The following FZD8 variants were observed in gnomAD, a reference collection of about 807,000 sequenced individuals.
FZD8 encodes frizzled class receptor 8.
A neutral mutation model predicts 46.0 loss-of-function variants in FZD8; 18 were observed. That is an observed-to-expected ratio of 0.39 (90% CI 0.27 to 0.58). The LOEUF (loss-of-function observed/expected upper bound fraction) is 0.58, where lower values mean the gene tolerates loss of function less well. Among genes scored for constraint, FZD8 ranks in the 20% least tolerant of loss-of-function variants. The pLI is 0.55. For missense variants in FZD8, 785 were observed against 983.4 expected, an observed-to-expected ratio of 0.80 and a Z score of 2.70; for synonymous variants, 586 against 467.9, an observed-to-expected ratio of 1.25 and a Z score of -3.26.
At position 35,638,339 on chromosome 10, in the gene FZD8, C is replaced by T. The variant is rs769201698; in HGVS notation, c.*1006G>A. 6.6e-6 allele frequency: 1 copy of T among 152,470 alleles called. No individual in the cohort carries two copies. The highest frequency in any genetic ancestry group is 2.4e-5 in the African/African-American group (1 of 41,444). The allele number at this position is 152,470 out of a possible 1,614,324, so 9.4% of individuals were successfully genotyped here. A position where few individuals can be genotyped will look rare whatever the true frequency, so the allele number is the denominator to read the frequency against. On this transcript the variant is annotated 3_prime_UTR_variant, in exon 1 of 1. Coordinates refer to ENST00000374694, the MANE Select transcript of FZD8 (RefSeq NM_031866.3). The stretch of plus-strand genomic sequence containing the variant: ...CTTGCAGAAGTTCCATTTACATCCA[C>T]TAAAGTGAGAGTTGTTATCCATGGA...
In FZD8 at chr10:35,641,388, G is replaced by A. The variant is rs1360968010; in HGVS notation, c.42C>T (p.Ala14=). ...GYLLEVTSLL[A]ALALLQRSSG... ...TAGAGCGCTGCAGCAGCGCCAAGGCGGCCAGCAGCGAGGTCACTTCCAACA... is the reference window on the plus strand; with the variant it reads ...TAGAGCGCTGCAGCAGCGCCAAGGCAGCCAGCAGCGAGGTCACTTCCAACA... Residue 14 remains alanine (A), a synonymous_variant, in exon 1 of 1, where the codon GCC becomes GCT. Transcript: ENST00000374694. The surrounding 1 kb of genome is among the most constrained non-coding windows in gnomAD (Gnocchi z 6.3). 6.8e-6 allele frequency: 11 copies of A among 1,612,278 alleles called. No homozygotes were observed. The highest frequency in any genetic ancestry group is 8.5e-6 in the Non-Finnish European group (10 of 1,179,578).
At position 35,641,538 on chromosome 10, in the gene FZD8, C is replaced by A; in HGVS notation, c.-109G>T. The A allele has an allele frequency of 7.1e-7, 1 of 1,402,248 alleles. No individual in the cohort carries two copies. Among genetic ancestry groups the A allele is most frequent in the Non-Finnish European group, 9.4e-7 (1 of 1,067,492 alleles). The allele number at this position is 1,402,248 out of a possible 1,614,324, so 86.9% of individuals were successfully genotyped here. A position where few individuals can be genotyped will look rare whatever the true frequency, so the allele number is the denominator to read the frequency against. ...ACGGGTACAGCGGGTGATCTGGGGT[C>A]TCCCTTATGCTTCGCCCGGGAGGGG... is the stretch of plus-strand genomic sequence containing the variant. On this transcript the variant is annotated 5_prime_UTR_variant, in exon 1 of 1. Transcript: ENST00000374694. The surrounding 1 kb of genome is among the most constrained non-coding windows in gnomAD (Gnocchi z 6.3).
chr10:35,640,174 A>G lies in FZD8; in HGVS notation c.1256T>C (p.Leu419Pro). The change falls in exon 1 of 1, where the codon CTC (leucine) becomes CCC (proline). Residue 419 changes from leucine to proline, a missense_variant. Around this residue, in one of 5 missense-constraint regions of FZD8, gnomAD observed 147 missense variants for 242.5 expected, o/e 0.61. Transcript: ENST00000374694. ...CATACCGGCCGCCAGGAACCATGTG[A>G]GCGACAAGATCACCCACCAGATGGA... is the stretch of plus-strand genomic sequence containing the variant. ...ASSIWWVILS[L>P]TWFLAAGMKW... The G allele has an allele frequency of 6.2e-7, 1 of 1,613,314 alleles. No individual in the cohort carries two copies. The highest frequency in any genetic ancestry group is 8.5e-7 in the Non-Finnish European group (1 of 1,179,870).
Position 35,640,836 on chromosome 10 carries a change from G to T in FZD8, c.594C>A (p.Gly198=), listed in dbSNP as rs1225958723. 1 of 976,330 alleles carries T rather than the reference G, an allele frequency of 1.0e-6. No homozygotes were observed. Among genetic ancestry groups the T allele is most frequent in the Non-Finnish European group, 1.2e-6 (1 of 826,562 alleles). The allele number at this position is 976,330 out of a possible 1,614,324, so 60.5% of individuals were successfully genotyped here. A position where few individuals can be genotyped will look rare whatever the true frequency, so the allele number is the denominator to read the frequency against. ...ARPPHRGGGR[G]GGGGDAAAPP... ...GCGCCGCCGCGTCCCCGCCGCCACCGCCCCTGCCGCCGCCGCGGTGCGGGG... is the reference window on the plus strand; with the variant it reads ...GCGCCGCCGCGTCCCCGCCGCCACCTCCCCTGCCGCCGCCGCGGTGCGGGG... The change falls in exon 1 of 1, where the codon GGC becomes GGA. Residue 198 remains glycine, a synonymous_variant. Transcript: ENST00000374694.
Position 35,640,818 on chromosome 10 carries a change from C to T in FZD8, c.612G>A (p.Ala204=). 1 of 984,322 alleles carries T rather than the reference C, an allele frequency of 1.0e-6. No homozygotes were observed. The highest frequency in any genetic ancestry group is 1.2e-6 in the Non-Finnish European group (1 of 830,794). The allele number at this position is 984,322 out of a possible 1,614,324, so 61.0% of individuals were successfully genotyped here. Residue 204 remains alanine, a synonymous_variant, in exon 1 of 1, where the codon GCG becomes GCA. Transcript: ENST00000374694. The part of the protein sequence containing the change: ...GGGRGGGGGD[A]AAPPARGGGG... ...CGCCGCCGCGAGCTGGGGGCGCCGC[C>T]GCGTCCCCGCCGCCACCGCCCCTGC...
chr10:35,640,250 CG>C lies in FZD8; in HGVS notation c.1179del (p.Ala394ArgfsTer22). 1.2e-6 allele frequency: 2 copies of C among 1,608,700 alleles called. No individual in the cohort carries two copies. ...EQHVRYETTG[P>X]ALCTVVFLLV... ...AGCAAGAAGACCACGGTGCACAGCG[CG>C]GGGCCGGTGGTCTCGTAGCGCACGT... On this transcript the variant is annotated frameshift_variant, in exon 1 of 1. Transcript: ENST00000374694. LOFTEE classifies it high-confidence loss of function.
At position 35,639,846 on chromosome 10, in the gene FZD8, C is replaced by A. The variant is rs771927894; in HGVS notation, c.1584G>T (p.Lys528Asn). 1 of 1,608,728 alleles carries A rather than the reference C, an allele frequency of 6.2e-7. No individual in the cohort carries two copies. The change falls in exon 1 of 1, where the codon AAG (lysine) becomes AAT (asparagine). Residue 528 changes from lysine (K) to asparagine (N), a missense_variant. Physicochemically the swap from Lys to Asn is moderately conservative, Grantham distance 94 (BLOSUM62 0). This residue lies in a region of FZD8 where 147 missense variants were observed against 242.5 expected (regional missense o/e 0.61). Transcript: ENST00000374694. ...TGAACAGGCCCAGGCGGATCATCAG[C>A]TTCTCCAGCTTGTGCGTCTTGGTGG... ...DGPTKTHKLEKLMIRLGLFTV... is the reference protein window; with the variant it reads ...DGPTKTHKLENLMIRLGLFTV...
Position 35,641,586 on chromosome 10 carries a change from T to C in FZD8, c.-157A>G. The stretch of plus-strand genomic sequence containing the variant: ...GGGGGTCTGCCGATAATCTAACCCC[T>C]TCTAGGGGCGCGTCCGCAGCGGCGC... On this transcript the variant is annotated 5_prime_UTR_variant, in exon 1 of 1. Coordinates refer to ENST00000374694, the MANE Select transcript of FZD8 (RefSeq NM_031866.3). This position sits in a 1 kb window ranked among gnomAD's most constrained non-coding sequence, Gnocchi z 6.3. 2.1e-6 allele frequency: 2 copies of C among 973,910 alleles called. No homozygotes were observed. The highest frequency in any genetic ancestry group is 3.0e-5 in the Admixed American group (1 of 33,678). 60.3% of individuals were successfully genotyped at this position (973,910 alleles called of 1,614,324 possible). A position where few individuals can be genotyped will look rare whatever the true frequency, so the allele number is the denominator to read the frequency against.
chr10:35,639,754 G>C lies in FZD8; in HGVS notation c.1676C>G (p.Pro559Arg), dbSNP rs1311249171. The change falls in exon 1 of 1, where the codon CCG becomes CGG. Residue 559 changes from proline to arginine, a missense_variant. Pro to Arg is a moderately radical substitution (Grantham distance 103). Around this residue, in one of 5 missense-constraint regions of FZD8, gnomAD observed 147 missense variants for 242.5 expected, o/e 0.61. Transcript: ENST00000374694. ...GCAGTTGTGCGTGGCCTCCCAGCGC[G>C]GGCGGTTGTGCTGCTCGTAGAAGAG... ...ACLFYEQHNR[P>R]RWEATHNCPC... is the part of the protein sequence containing the mutation. 1 of 1,600,500 alleles carries C rather than the reference G, an allele frequency of 6.2e-7. No homozygotes were observed. Among genetic ancestry groups the C allele is most frequent in the Non-Finnish European group, 8.5e-7 (1 of 1,179,778 alleles).
Position 35,639,478 on chromosome 10 carries a change from C to G in FZD8, c.1952G>C (p.Gly651Ala). The G allele has an allele frequency of 1.0e-6, 1 of 975,776 alleles. No homozygotes were observed. Among genetic ancestry groups the G allele is most frequent in the Non-Finnish European group, 1.2e-6 (1 of 822,114 alleles). 60.4% of individuals were successfully genotyped at this position (975,776 alleles called of 1,614,324 possible). A position where few individuals can be genotyped will look rare whatever the true frequency, so the allele number is the denominator to read the frequency against. The change falls in exon 1 of 1, where the codon GGA becomes GCA. Residue 651 changes from glycine to alanine, a missense_variant. Physicochemically the swap from Gly to Ala is moderately conservative, Grantham distance 60. Around this residue, in one of 5 missense-constraint regions of FZD8, gnomAD observed 185 missense variants for 180.8 expected, o/e 1.02. Transcript: ENST00000374694. ...GGGPGGGGGG[G>A]PGGGGGPGGG... is the part of the protein sequence containing the mutation. ...GCCCGGCCCCCCGCCGCCGCCGGGT[C>G]CCCCGCCGCCGCCGCCCCCCGGCCC...
Position 35,641,046 on chromosome 10 carries a change from G to C in FZD8, c.384C>G (p.Ala128=). 5 of 1,609,770 alleles carry C rather than the reference G, an allele frequency of 3.1e-6. No homozygotes were observed. The highest frequency in any genetic ancestry group is 4.2e-6 in the Non-Finnish European group (5 of 1,178,826). Residue 128 remains alanine, a synonymous_variant, in exon 1 of 1, where the codon GCC becomes GCG. Transcript: ENST00000374694. The surrounding 1 kb of genome is among the most constrained non-coding windows in gnomAD (Gnocchi z 6.3). ...GGTCGCAGCGCATGCGGTCGGGCCA[G>C]GCGAAGCCGTACTGGCGCATGAGCG... The part of the protein sequence containing the change: ...CAPLMRQYGF[A]WPDRMRCDRL...
chr10:35,639,097 G>A lies in FZD8; in HGVS notation c.*248C>T, dbSNP rs962468828. On this transcript the variant is annotated 3_prime_UTR_variant, in exon 1 of 1. Transcript: ENST00000374694. ...CTCAGCCAACAGAAATTAACGCGTGGCGGGAGGAGCTCCCCGCACATCAAT... is the reference window on the plus strand; with the variant it reads ...CTCAGCCAACAGAAATTAACGCGTGACGGGAGGAGCTCCCCGCACATCAAT... The A allele has an allele frequency of 8.9e-5, 15 of 168,262 alleles. No individual in the cohort carries two copies. Among genetic ancestry groups the A allele is most frequent in the Non-Finnish European group, 1.2e-4 (9 of 78,140 alleles). 10.4% of individuals were successfully genotyped at this position (168,262 alleles called of 1,614,324 possible). A position where few individuals can be genotyped will look rare whatever the true frequency, so the allele number is the denominator to read the frequency against.
Position 35,639,348 on chromosome 10 carries a change from G to A in FZD8, c.2082C>T (p.Val694=). The A allele has an allele frequency of 1.6e-6, 2 of 1,257,102 alleles. No individual in the cohort carries two copies. Among genetic ancestry groups the A allele is most frequent in the Non-Finnish European group, 2.1e-6 (2 of 932,946 alleles). 77.9% of individuals were successfully genotyped at this position (1,257,102 alleles called of 1,614,324 possible). ...CTGGGCGCCCCCTCCCCTCCGCTCA[G>A]ACCTGGGACAATGGCATCTGCTTTG... ...SYPKQMPLSQ[V] Residue 694 remains valine (V), a synonymous_variant, in exon 1 of 1, where the codon GTC becomes GTT. Coordinates refer to ENST00000374694, the MANE Select transcript of FZD8 (RefSeq NM_031866.3).
rs1835860181 is a variant in FZD8 at position 35,641,454 on chromosome 10, T to C, written c.-25A>G. 1.3e-6 allele frequency: 2 copies of C among 1,557,394 alleles called. No individual in the cohort carries two copies. The highest frequency in any genetic ancestry group is 1.4e-5 in the African/African-American group (1 of 70,968). ...TGCTGTGCGCCTCGGCCCGGTGCCC[T>C]CGCCCTCCAGGCGGCGCGCAGAGGG... On this transcript the variant is annotated 5_prime_UTR_variant, in exon 1 of 1. Coordinates refer to ENST00000374694, the MANE Select transcript of FZD8 (RefSeq NM_031866.3). This position sits in a 1 kb window ranked among gnomAD's most constrained non-coding sequence, Gnocchi z 6.3.
rs751969710 is a variant in FZD8, at chr10:35,641,414, G to A, written c.16C>T (p.Leu6=). 2.5e-6 allele frequency: 4 copies of A among 1,609,278 alleles called. No homozygotes were observed. Among genetic ancestry groups the A allele is most frequent in the Non-Finnish European group, 3.4e-6 (4 of 1,179,204 alleles). MEWGY[L]LEVTSLLAAL... ...GCCAGCAGCGAGGTCACTTCCAACA[G>A]GTAACCCCACTCCATGCTGTGCGCC... The change falls in exon 1 of 1, where the codon CTG becomes TTG. Residue 6 remains leucine, a synonymous_variant. Coordinates refer to ENST00000374694, the MANE Select transcript of FZD8 (RefSeq NM_031866.3). This position sits in a 1 kb window ranked among gnomAD's most constrained non-coding sequence, Gnocchi z 6.3.
In FZD8 at chr10:35,639,280, C is replaced by T; in HGVS notation, c.*65G>A. 1 of 838,226 alleles carries T rather than the reference C, an allele frequency of 1.2e-6. No homozygotes were observed. Among genetic ancestry groups the T allele is most frequent in the Non-Finnish European group, 1.7e-6 (1 of 590,438 alleles). The allele number at this position is 838,226 out of a possible 1,614,324, so 51.9% of individuals were successfully genotyped here. On this transcript the variant is annotated 3_prime_UTR_variant, in exon 1 of 1. Coordinates refer to ENST00000374694, the MANE Select transcript of FZD8 (RefSeq NM_031866.3). ...TGGGAACCTCAGCCCATCAAGTGTCCCTTCGCTGCACTTGGCTCTCCTCGC... is the reference window on the plus strand; with the variant it reads ...TGGGAACCTCAGCCCATCAAGTGTCTCTTCGCTGCACTTGGCTCTCCTCGC...
In FZD8 at chr10:35,640,131, G is replaced by A. The variant is rs760072246; in HGVS notation, c.1299C>T (p.Ala433=). 1.2e-6 allele frequency: 2 copies of A among 1,613,174 alleles called. No homozygotes were observed. Among genetic ancestry groups the A allele is most frequent in the South Asian group, 1.1e-5 (1 of 91,010 alleles). Residue 433 remains alanine, a synonymous_variant, in exon 1 of 1, where the codon GCC becomes GCT. Transcript: ENST00000374694. ...GGAAGTACTGCGAGTAGCCGGCGATGGCTTCGTTGCCCCACTTCATACCGG... is the reference window on the plus strand; with the variant it reads ...GGAAGTACTGCGAGTAGCCGGCGATAGCTTCGTTGCCCCACTTCATACCGG... The part of the protein sequence containing the change: ...LAAGMKWGNE[A]IAGYSQYFHL...
In FZD8 at chr10:35,639,631, G is replaced by A; in HGVS notation, c.1799C>T (p.Ser600Leu). 1 of 1,598,228 alleles carries A rather than the reference G, an allele frequency of 6.3e-7. No individual in the cohort carries two copies. Residue 600 changes from serine (S) to leucine (L), a missense_variant, in exon 1 of 1, where the codon TCG becomes TTG. By Grantham distance (145) the Ser-to-Leu change is moderately radical (BLOSUM62 -2). Coordinates refer to ENST00000374694, the MANE Select transcript of FZD8 (RefSeq NM_031866.3). ...CTTGCCGGACCAGACCCACACGCCC[G>A]AGGTGATGCCCACCACTAGGCACAT... ...YFMCLVVGITSGVWVWSGKTL... is the reference protein window; with the variant it reads ...YFMCLVVGITLGVWVWSGKTL...
rs1035443085 is a variant in FZD8, at chr10:35,641,489, G to GC, written c.-61_-60insG. On this transcript the variant is annotated 5_prime_UTR_variant, in exon 1 of 1. Transcript: ENST00000374694. The surrounding 1 kb of genome is among the most constrained non-coding windows in gnomAD (Gnocchi z 6.3). ...GGCGGCGCGCAGAGGGGTGCCGGGGGGGGGGCCCACGAGAGAGCCGCAGAC... is the reference window on the plus strand; with the variant it reads ...GGCGGCGCGCAGAGGGGTGCCGGGGGCGGGGGCCCACGAGAGAGCCGCAGAC... 25 of 1,513,988 alleles carry GC rather than the reference G, an allele frequency of 1.7e-5. No homozygotes were observed. The highest frequency in any genetic ancestry group is 2.4e-4 in the Middle Eastern group (1 of 4,136). The allele number at this position is 1,513,988 out of a possible 1,614,324, so 93.8% of individuals were successfully genotyped here.
Sources: allele counts gnomAD v4.1 joint callset, GRCh38; gene constraint gnomAD v4.1.1; regional missense constraint gnomAD v4.1.1; non-coding constraint Gnocchi (gnomAD v3.1); transcripts MANE v1.5; gene names NCBI Gene and HGNC (gene_info 2026-07-23, HGNC 2026-07-21).